CCDC102B: variants seen among roughly 807,000 people sequenced by gnomAD.
CCDC102B encodes the protein coiled-coil domain containing 102B, also known as coiled-coil domain-containing protein 102B.
Under a neutral mutation model 57.4 loss-of-function variants are expected in CCDC102B, and 75 were observed. The ratio of observed to expected loss-of-function variants is 1.31; its 90% confidence interval spans 1.08 to 1.58. The LOEUF (loss-of-function observed/expected upper bound fraction) is 1.58, where lower values mean the gene tolerates loss of function less well. Among genes scored for constraint, CCDC102B ranks in the 40% most tolerant of loss-of-function variants. CCDC102B has a pLI of 0.00. For missense variants in CCDC102B, 636 were observed against 582.6 expected (o/e 1.09, Z -0.94); for synonymous variants, 206 against 201.9 (o/e 1.02, Z -0.17).
intron 6 of CCDC102B, among the ~76,000 whole-genome samples, chr18:68,941,080 T>A (rs1271945915): frequency 6.9e-6 from 1 of 144,858 alleles, no homozygotes; most frequent in Non-Finnish European, 1.5e-5. Flanking sequence ...CTATTTGCTA[T>A]TTATTTATTT....
intron 4 of CCDC102B, among the ~76,000 whole-genome samples, chr18:68,872,811 C>T (rs1051214654): frequency 2.0e-5 from 3 of 151,850 alleles, no homozygotes; most frequent in Admixed American, 6.6e-5. Flanking sequence ...CTTCACATGC[C>T]CAGAGATCTT....
At chr18:69,056,377 T>A (rs936365786), downstream of CCDC102B, among the ~76,000 whole-genome samples, 1 of 152,064 alleles carries the variant, frequency 6.6e-6, no homozygotes, top group South Asian at 2.1e-4. Flanking sequence ...TTGGCTGTGG[T>A]CAAAATGGTG....
chr18:68,977,948 G>C (rs552121721), intron 6 of CCDC102B, among the ~76,000 whole-genome samples: 17 of 151,966 alleles, frequency 1.1e-4, no homozygotes, highest in Non-Finnish European at 2.2e-4. Flanking sequence ...CATAGGAGCT[G>C]ATGAAAGCCA....
At chr18:68,732,736 G>A (rs2032939601) in intron 2 of CCDC102B, among the ~76,000 whole-genome samples, 1 of 152,068 alleles carries the variant, frequency 6.6e-6, no homozygotes, top group Non-Finnish European at 1.5e-5. Context: ...CATCTATTTA[G>A]AGTTAAGGTT....
chr18:68,927,056 G>C (rs759945494), intron 6 of CCDC102B, among the ~76,000 whole-genome samples: 17 of 151,896 alleles, frequency 1.1e-4, no homozygotes, highest in Non-Finnish European at 1.8e-4. Flanking sequence ...AACTTTGATT[G>C]TGAATTCTAC....
intron 2 of CCDC102B, among the ~76,000 whole-genome samples, chr18:68,772,249 CA>C (rs1293438456): frequency 4.0e-5 from 6 of 151,816 alleles, no homozygotes; most frequent in African/African-American, 1.5e-4. Context: ...TTTTTTTACT[CA>C]GTGAATTTTT....
chr18:69,005,434 A>G (rs1271256112), intron 6 of CCDC102B, among the ~76,000 whole-genome samples: 2 of 152,120 alleles, frequency 1.3e-5, no homozygotes, highest in Admixed American at 1.3e-4. Context: ...ACTTCTATGT[A>G]TTATTAAAAA....
At chr18:68,997,096 G>T (rs981479683) in intron 6 of CCDC102B, among the ~76,000 whole-genome samples, 2 of 152,066 alleles carry the variant, frequency 1.3e-5, no homozygotes, top group African/African-American at 4.8e-5. Flanking sequence ...ATGTAAAGAA[G>T]GTGCCTTGCT....
At chr18:68,871,846 C>T (rs1032706497) in intron 4 of CCDC102B, among the ~76,000 whole-genome samples, 1 of 152,044 alleles carries the variant, frequency 6.6e-6, no homozygotes, top group Non-Finnish European at 1.5e-5. Context: ...ATCTGAATTG[C>T]TTTTTAAAAA....
intron 2 of CCDC102B, among the ~76,000 whole-genome samples, chr18:68,766,545 G>C (rs540291860): frequency 6.6e-6 from 1 of 152,288 alleles, no homozygotes; most frequent in African/African-American, 2.4e-5. Flanking sequence ...AAAATCCATA[G>C]ACAATCATTC....
chr18:68,992,864 C>T (rs190212434), intron 6 of CCDC102B: 25 of 166,368 alleles, frequency 1.5e-4, no homozygotes, highest in Admixed American at 8.2e-4. Flanking sequence ...AGAAGCCCTA[C>T]GGCACAGAAG....
intron 6 of CCDC102B, among the ~76,000 whole-genome samples, chr18:68,937,721 G>C (rs2049278742): frequency 6.6e-6 from 1 of 152,038 alleles, no homozygotes; most frequent in Admixed American, 6.6e-5. Context: ...CCTACATTAG[G>C]TATTTCTCCT....
chr18:68,777,466 C>T (rs1330100280), intron 2 of CCDC102B, among the ~76,000 whole-genome samples: 1 of 152,170 alleles, frequency 6.6e-6, no homozygotes, highest in Non-Finnish European at 1.5e-5. Flanking sequence ...GACTTTAGCA[C>T]TCTTTTTCTC....
chr18:69,010,981 C>G lies in CCDC102B; in HGVS notation c.1311C>G (p.Tyr437Ter), dbSNP rs1342387978. Residue 437 changes from tyrosine (Y) to a stop codon, truncating the protein, a stop_gained, in exon 7 of 8, where the codon TAC becomes TAG. Transcript: ENST00000360242. LOFTEE classifies it high-confidence loss of function. The stretch of plus-strand genomic sequence containing the variant: ...CCTACTATAAACTAAACAGACAATA[C>G]CAGGCAAATATTGCAGAACTGACTC... ...QHAYYKLNRQ[Y>*]QANIAELTHA... 5 of 1,612,490 alleles carry G rather than the reference C, an allele frequency of 3.1e-6. No homozygotes were observed. Among genetic ancestry groups the G allele is most frequent in the Non-Finnish European group, 4.2e-6 (5 of 1,179,016 alleles).
chr18:68,775,615 T>C (rs927449323), intron 2 of CCDC102B, among the ~76,000 whole-genome samples: 2 of 151,940 alleles, frequency 1.3e-5, no homozygotes, highest in African/African-American at 4.8e-5. Flanking sequence ...ATAGATTGCT[T>C]TCCTTATGTG....
At chr18:68,721,797 A>G (rs948880151) in intron 2 of CCDC102B, among the ~76,000 whole-genome samples, 1 of 152,240 alleles carries the variant, frequency 6.6e-6, no homozygotes, top group Non-Finnish European at 1.5e-5. Flanking sequence ...ACTGAAGGCA[A>G]GCTGACTAAA....
intron 6 of CCDC102B, among the ~76,000 whole-genome samples, chr18:69,006,517 G>T (rs1008276477): frequency 1.3e-5 from 2 of 151,656 alleles, no homozygotes; most frequent in Non-Finnish European, 2.9e-5. Flanking sequence ...CCGCCTCCTG[G>T]GTTCAAGTGA....
At chr18:68,903,185 C>T (rs1019152445) in intron 6 of CCDC102B, among the ~76,000 whole-genome samples, 9 of 152,074 alleles carry the variant, frequency 5.9e-5, no homozygotes, top group Admixed American at 2.0e-4. Context: ...CACAGAAAAG[C>T]GTAATTCTGG....
intron 7 of CCDC102B, 138 bp from the exon 8 acceptor site, chr18:69,053,892 T>C (rs1315486076): frequency 1.6e-5 from 10 of 620,644 alleles, no homozygotes; most frequent in South Asian, 2.4e-5. Context: ...CAAATACTTA[T>C]AGTTTTGTGG....
Sources: gnomAD v4.1 joint callset for allele counts (sites outside exome capture counted in the v4.1 genomes callset) on GRCh38, gnomAD v4.1.1 for gene constraint, MANE v1.5 for transcripts, NCBI Gene and HGNC (gene_info 2026-07-23, HGNC 2026-07-21) for gene names.